The following LRRC38 variants were observed in gnomAD, a reference collection of about 807,000 sequenced individuals.
The protein encoded by LRRC38 is leucine rich repeat containing 38.
Under a neutral mutation model 16.4 loss-of-function variants are expected in LRRC38, and 5 were observed. That is an observed-to-expected ratio of 0.31 (90% confidence interval 0.16 to 0.64). The LOEUF is 0.64. Among genes scored for constraint, LRRC38 ranks in the 30% least tolerant of loss-of-function variants. LRRC38 has a pLI of 0.80. For missense variants in LRRC38, 341 were observed against 401.8 expected (o/e 0.85, Z 1.29); for synonymous variants, 191 against 190.2 (o/e 1.00, Z -0.04).
intron 1 of LRRC38, among the ~76,000 whole-genome samples, chr1:13,507,974 C>G (rs767179976): frequency 5.3e-5 from 8 of 152,180 alleles, no homozygotes; most frequent in Non-Finnish European, 7.3e-5. Flanking sequence ...GTGGCTCACG[C>G]CTGTAATACC....
rs1185096373 is a variant in LRRC38, at chr1:13,513,999, C to T, written c.-406G>A. 6.6e-6 allele frequency: 1 copy of T among 152,096 alleles called. No individual in the cohort carries two copies. The highest frequency in any genetic ancestry group is 1.5e-5 in the Non-Finnish European group (1 of 68,006). The allele number at this position is 152,096 out of a possible 1,614,324, so 9.4% of individuals were successfully genotyped here. ...CGCGCACCGGGCGGGCTGCACTCGA[C>T]GTCTAAGTTCAGCTACCAAGCCCAG... On this transcript the variant is annotated 5_prime_UTR_variant, in exon 1 of 2. Transcript: ENST00000376085.
chr1:13,475,645 C>T lies in LRRC38; in HGVS notation c.*201G>A. On this transcript the variant is annotated 3_prime_UTR_variant, in exon 2 of 2. Transcript: ENST00000376085. The surrounding 1 kb of genome is among the most constrained non-coding windows in gnomAD (Gnocchi z 4.3). ...TCCAGGAATAATTCCCTCCATCCTT[C>T]CTGGGCTTCTGTGCTCTGCTGATTC... 1.6e-6 allele frequency: 1 copy of T among 629,072 alleles called. No homozygotes were observed. The highest frequency in any genetic ancestry group is 2.7e-6 in the Non-Finnish European group (1 of 373,260). 39.0% of individuals were successfully genotyped at this position (629,072 alleles called of 1,614,324 possible). A position where few individuals can be genotyped will look rare whatever the true frequency, so the allele number is the denominator to read the frequency against.
chr1:13,500,442 C>T (rs1045795202), intron 1 of LRRC38, among the ~76,000 whole-genome samples: 23 of 152,328 alleles, frequency 1.5e-4, no homozygotes, highest in African/African-American at 5.5e-4. Flanking sequence ...CTAAGCCACA[C>T]TGTGGCATAA....
chr1:13,512,832 G>T, intron 1 of LRRC38, 131 bp downstream of exon 1: 5 of 974,480 alleles, frequency 5.1e-6, no homozygotes, highest in Non-Finnish European at 7.4e-6. Context: ...CAGAGACCCA[G>T]GAAAAGTTCA....
intron 1 of LRRC38, among the ~76,000 whole-genome samples, chr1:13,493,800 C>G (rs1382642380): frequency 6.6e-6 from 1 of 152,194 alleles, no homozygotes; most frequent in East Asian, 1.9e-4. Flanking sequence ...CATGGTGGCT[C>G]ACACCTGTAA....
Position 13,487,612 on chromosome 1 carries a change from C to T in LRRC38, c.632-11513G>A, listed in dbSNP as rs1016749066. 2.4e-4 allele frequency among the ~76,000 whole-genome samples: 37 copies of T among 152,234 alleles called. No homozygotes were observed. Among genetic ancestry groups the T allele is most frequent in the African/African-American group, 7.5e-4 (31 of 41,474 alleles). On this transcript the variant is annotated intron_variant, in intron 1 of 1. Transcript: ENST00000376085. The surrounding 1 kb of genome is among the most constrained non-coding windows in gnomAD (Gnocchi z 4.4). ...TCCCTTGTGCAGGGCGGCTCCGTGG[C>T]CTGCCCGTCACCACCTGTCTGGGCT...
chr1:13,506,790 A>G (rs1639218548), intron 1 of LRRC38, among the ~76,000 whole-genome samples: 1 of 152,106 alleles, frequency 6.6e-6, no homozygotes, highest in Non-Finnish European at 1.5e-5. Flanking sequence ...CACCAGCCCG[A>G]AGGCTGATAA....
intron 1 of LRRC38, among the ~76,000 whole-genome samples, chr1:13,504,459 G>A (rs995772446): frequency 3.9e-5 from 6 of 152,038 alleles, no homozygotes; most frequent in Non-Finnish European, 7.4e-5. Context: ...AGTGGCTCAC[G>A]CCTGTAATCC....
intron 1 of LRRC38, among the ~76,000 whole-genome samples, chr1:13,492,734 A>G (rs72866325): frequency 0.071 from 10,772 of 152,062 alleles, 1,270 homozygotes; most frequent in African/African-American, 0.25. Context: ...TTTTGAAAAC[A>G]TACCATTACC....
At chr1:13,484,002 TA>T (rs1199205704) in intron 1 of LRRC38, among the ~76,000 whole-genome samples, 2 of 151,772 alleles carry the variant, frequency 1.3e-5, no homozygotes, top group Admixed American at 1.3e-4. Context: ...GAGAGAGATT[TA>T]TTACAACTAC....
chr1:13,505,648 T>G (rs779525827), intron 1 of LRRC38, among the ~76,000 whole-genome samples: 7 of 152,152 alleles, frequency 4.6e-5, no homozygotes, highest in Non-Finnish European at 8.8e-5. Context: ...TTTGATAATG[T>G]CAACCTCAGT....
At chr1:13,483,358 A>G (rs1638892463) in intron 1 of LRRC38, among the ~76,000 whole-genome samples, 1 of 152,122 alleles carries the variant, frequency 6.6e-6, no homozygotes, top group Non-Finnish European at 1.5e-5. Flanking sequence ...CACTTTGGCC[A>G]GGTTGGTCTC....
intron 1 of LRRC38, among the ~76,000 whole-genome samples, chr1:13,492,165 T>C (rs1027225373): frequency 1.3e-5 from 2 of 152,220 alleles, no homozygotes; most frequent in African/African-American, 4.8e-5. Flanking sequence ...CTTTCTCTTC[T>C]GTGAGTTTGA....
At chr1:13,493,407 C>T (rs554210333) in intron 1 of LRRC38, among the ~76,000 whole-genome samples, 11 of 152,234 alleles carry the variant, frequency 7.2e-5, no homozygotes, top group Admixed American at 3.9e-4. Context: ...ATTATCTGAC[C>T]TTCTACTGTC....
At chr1:13,502,336 T>C (rs1166157952) in intron 1 of LRRC38, among the ~76,000 whole-genome samples, 1 of 152,126 alleles carries the variant, frequency 6.6e-6, no homozygotes, top group Non-Finnish European at 1.5e-5. Context: ...ATCCTTCTGG[T>C]CACTTTTCCA....
chr1:13,504,857 A>AAAG (rs1639193009), intron 1 of LRRC38, among the ~76,000 whole-genome samples: 3 of 112,386 alleles, frequency 2.7e-5, no homozygotes, highest in African/African-American at 1.2e-4. Flanking sequence ...AAAAGAAAAG[A>AAAG]AAAAAGAAAA....
In LRRC38 at chr1:13,513,143, GGGTCTCGAA is replaced by G. The variant is rs1230528008; in HGVS notation, c.442_450del (p.Phe148_Thr150del). 2 of 1,550,374 alleles carry G rather than the reference GGGTCTCGAA, an allele frequency of 1.3e-6. No individual in the cohort carries two copies. The highest frequency in any genetic ancestry group is 1.7e-6 in the Non-Finnish European group (2 of 1,146,926). On this transcript the variant is annotated inframe_deletion, in exon 1 of 2. Transcript: ENST00000376085. ...AGCTCCAGCACCTGCAGCGACTCCA[GGGTCTCGAA>G]GGCGTCCTCGTGCACGCCCACCAGG...
intron 1 of LRRC38, among the ~76,000 whole-genome samples, chr1:13,512,618 T>C (rs1246605051): frequency 6.6e-6 from 1 of 151,892 alleles, no homozygotes; most frequent in Non-Finnish European, 1.5e-5. Context: ...TAGGCTGCAT[T>C]CCGCTTACCA....
At chr1:13,508,625 C>A (rs1261410076) in intron 1 of LRRC38, among the ~76,000 whole-genome samples, 2 of 152,170 alleles carry the variant, frequency 1.3e-5, no homozygotes, top group Non-Finnish European at 2.9e-5. Flanking sequence ...TTATTTTCTT[C>A]ATGATACTTT....
Sources: gnomAD v4.1 joint callset for allele counts (sites outside exome capture counted in the v4.1 genomes callset) on GRCh38, gnomAD v4.1.1 for gene constraint, Gnocchi (gnomAD v3.1) non-coding constraint, MANE v1.5 for transcripts, NCBI Gene and HGNC (gene_info 2026-07-23, HGNC 2026-07-21) for gene names.